STAG1: variants seen among roughly 807,000 people sequenced by gnomAD.
The protein encoded by STAG1 is cohesin subunit SA-1.
A neutral mutation model predicts 170.9 loss-of-function variants in STAG1; 26 were observed. That is an observed-to-expected ratio of 0.15 (90% confidence interval 0.11 to 0.21). The LOEUF is 0.21. STAG1 is among the 10% of genes least tolerant of loss of function. The pLI is 1.00. For synonymous variants in STAG1, 514 were observed against 497.7 expected, an observed-to-expected ratio of 1.03 and a Z score of -0.44; for missense variants, 964 against 1,509.5, an observed-to-expected ratio of 0.64 and a Z score of 5.99.
At chr3:136,340,095 T>A (rs1935904971) in intron 32 of STAG1, among the ~76,000 whole-genome samples, 1 of 152,222 alleles carries the variant, frequency 6.6e-6, no homozygotes, top group African/African-American at 2.4e-5. Flanking sequence ...CTGTTGTTGA[T>A]CAGTGTCACC....
chr3:136,592,904 T>A lies in STAG1; in HGVS notation c.297+11405A>T, dbSNP rs916029311. ...GTTTTCTGCTACAACTTGGTATAGA[T>A]GATGCACTGCTTGTAGTGCACAACT... On this transcript the variant is annotated intron_variant, in intron 4 of 33. Coordinates refer to ENST00000383202, the MANE Select transcript of STAG1 (RefSeq NM_005862.3). Among the ~76,000 whole-genome samples the A allele has an allele frequency of 3.3e-5, 5 of 152,206 alleles. No individual in the cohort carries two copies. The East Asian group carries it at 9.6e-4, about 29-fold the overall frequency.
chr3:136,345,641 A>G (rs1300355788), intron 29 of STAG1, among the ~76,000 whole-genome samples: 1 of 152,126 alleles, frequency 6.6e-6, no homozygotes, highest in East Asian at 1.9e-4. Context: ...AGGCTTCTTA[A>G]AAAGTATTAC....
intron 7 of STAG1, among the ~76,000 whole-genome samples, chr3:136,519,535 GTTTTTTT>G (rs199724394): frequency 6.6e-6 from 1 of 150,402 alleles, no homozygotes; most frequent in African/African-American, 2.4e-5. Context: ...TATTTTCAAG[GTTTTTTT>G]TTCCAAATTG....
chr3:136,358,578 A>T (rs1417908649), intron 27 of STAG1, among the ~76,000 whole-genome samples: 2 of 152,124 alleles, frequency 1.3e-5, no homozygotes, highest in Non-Finnish European at 2.9e-5. Flanking sequence ...AAATTCTATA[A>T]TAATTATTTT....
At chr3:136,665,696 T>C (rs1941739085) in intron 1 of STAG1, among the ~76,000 whole-genome samples, 1 of 145,328 alleles carries the variant, frequency 6.9e-6, no homozygotes, top group Admixed American at 6.9e-5. Context: ...AGGAGAATGG[T>C]GTGAACCCAG....
intron 3 of STAG1, among the ~76,000 whole-genome samples, chr3:136,617,490 C>T (rs1045279979): frequency 1.3e-4 from 20 of 152,148 alleles, no homozygotes; most frequent in Non-Finnish European, 1.8e-4. Flanking sequence ...TTCTTCAGCC[C>T]ATTACAGATA....
At chr3:136,562,400 A>G (rs1277130414) in intron 5 of STAG1, among the ~76,000 whole-genome samples, 7 of 137,686 alleles carry the variant, frequency 5.1e-5, no homozygotes, top group East Asian at 2.2e-4. Flanking sequence ...AGCTGGGATT[A>G]CGGGCACCCA....
At chr3:136,531,483 C>G (rs1935363345) in intron 6 of STAG1, among the ~76,000 whole-genome samples, 1 of 149,268 alleles carries the variant, frequency 6.7e-6, no homozygotes, top group Admixed American at 6.7e-5. Flanking sequence ...CGGCATTATT[C>G]ACAATAGCAA....
chr3:136,452,289 G>A (rs1406441455), intron 13 of STAG1, 142 bp from the exon 14 acceptor site: 3 of 600,104 alleles, frequency 5.0e-6, no homozygotes, highest in African/African-American at 1.9e-5. Flanking sequence ...ATCAGGCCAG[G>A]TGCAGAGGCT....
At chr3:136,514,468 T>G (rs893448213) in intron 7 of STAG1, among the ~76,000 whole-genome samples, 1 of 152,056 alleles carries the variant, frequency 6.6e-6, no homozygotes, top group East Asian at 1.9e-4. Flanking sequence ...TAAGTGGGAG[T>G]GTAAACTAGT....
chr3:136,573,276 C>T (rs1248185871), intron 4 of STAG1, among the ~76,000 whole-genome samples: 2 of 151,618 alleles, frequency 1.3e-5, no homozygotes, highest in African/African-American at 4.8e-5. Flanking sequence ...CTGTTAGAAG[C>T]ATTGCCAAGT....
chr3:136,397,663 G>T (rs1417436895), intron 22 of STAG1, among the ~76,000 whole-genome samples: 2 of 152,062 alleles, frequency 1.3e-5, no homozygotes, highest in African/African-American at 2.4e-5. Context: ...CAGGTCATTA[G>T]GATCCCAAAA....
chr3:136,384,521 C>A (rs2086815359), intron 22 of STAG1, among the ~76,000 whole-genome samples: 1 of 150,376 alleles, frequency 6.6e-6, no homozygotes. Flanking sequence ...GTAATCTTAG[C>A]ACTTTGGGAG....
intron 1 of STAG1, among the ~76,000 whole-genome samples, chr3:136,665,554 C>T (rs1042094203): frequency 6.6e-6 from 1 of 152,070 alleles, no homozygotes; most frequent in Admixed American, 6.6e-5. Flanking sequence ...ACGAGACAGG[C>T]AGATCACGAG....
intron 1 of STAG1, among the ~76,000 whole-genome samples, chr3:136,639,653 C>T (rs570999058): frequency 6.7e-4 from 102 of 152,260 alleles, no homozygotes; most frequent in African/African-American, 2.4e-3. Flanking sequence ...TACGAGAAAA[C>T]TGTCTTTTAT....
intron 15 of STAG1, among the ~76,000 whole-genome samples, chr3:136,436,892 T>C (rs2088477987): frequency 6.6e-6 from 1 of 152,248 alleles, no homozygotes; most frequent in African/African-American, 2.4e-5. Flanking sequence ...AAAAAACACA[T>C]GAACTTTAGC....
intron 29 of STAG1, among the ~76,000 whole-genome samples, chr3:136,344,763 G>A (rs1248301475): frequency 2.6e-5 from 4 of 151,860 alleles, no homozygotes; most frequent in Admixed American, 6.6e-5. Context: ...ACAGGTGCCC[G>A]CCACCACGCC....
chr3:136,550,087 G>A (rs1039774027), intron 5 of STAG1, among the ~76,000 whole-genome samples: 4 of 151,890 alleles, frequency 2.6e-5, no homozygotes, highest in Admixed American at 2.6e-4. Context: ...TTTTCTTTTC[G>A]TGGTATCTTT....
intron 9 of STAG1, among the ~76,000 whole-genome samples, chr3:136,490,226 A>C (rs949382176): frequency 6.6e-6 from 1 of 151,838 alleles, no homozygotes; most frequent in South Asian, 2.1e-4. Context: ...TTATTAGTAG[A>C]GACAGGGTTT....
Sources: allele counts gnomAD v4.1 joint callset (sites outside exome capture counted in the v4.1 genomes callset), GRCh38; gene constraint gnomAD v4.1.1; transcripts MANE v1.5; gene names NCBI Gene and HGNC (gene_info 2026-07-23, HGNC 2026-07-21).